Variants in CAPN13 observed in about 807,000 individuals in gnomAD.
CAPN13 encodes calpain 13, also known as calpain-13.
CAPN13 carries 90 observed loss-of-function variants against 98.4 expected under a neutral mutation model. That is an observed-to-expected ratio of 0.92 (90% CI 0.77 to 1.09). The LOEUF is 1.09. CAPN13 is among the 50% of genes least tolerant of loss of function. The probability of loss-of-function intolerance (pLI) is 0.00; values close to 1 mark genes in which losing one functional copy is unlikely to be tolerated. For synonymous variants in CAPN13, 330 were observed against 305.5 expected (o/e 1.08, Z -0.84); for missense variants, 887 against 841.3 (o/e 1.05, Z -0.67).
chr2:30,730,502 AGCCAT>A (rs548919698), intron 22 of CAPN13, among the ~76,000 whole-genome samples: 200 of 152,322 alleles, frequency 1.3e-3, no homozygotes, highest in Middle Eastern at 3.4e-3. Context: ...ATGCCTTTCA[AGCCAT>A]GCCTTTCCAT....
At chr2:30,730,623 A>G in intron 22 of CAPN13, 107 bp downstream of exon 22, 1 of 661,136 alleles carries the variant, frequency 1.5e-6, no homozygotes, top group Non-Finnish European at 2.8e-6. Context: ...AGGGTCTGTC[A>G]TCCCTGGGGA....
chr2:30,764,662 A>G (rs1673022590), intron 5 of CAPN13, among the ~76,000 whole-genome samples: 1 of 152,282 alleles, frequency 6.6e-6, no homozygotes, highest in African/African-American at 2.4e-5. Context: ...TCATGGGGCT[A>G]TGTTCCACAT....
chr2:30,794,107 C>CA (rs1235857838), intron 1 of CAPN13, among the ~76,000 whole-genome samples: 4 of 150,004 alleles, frequency 2.7e-5, no homozygotes, highest in African/African-American at 9.8e-5. Flanking sequence ...ATTAAAAAAA[C>CA]AAAAATGCAA....
At chr2:30,804,351 C>T (rs945794281) in intron 1 of CAPN13, among the ~76,000 whole-genome samples, 8 of 152,204 alleles carry the variant, frequency 5.3e-5, no homozygotes, top group Admixed American at 5.2e-4. Flanking sequence ...CAGGTGCATG[C>T]TACCATGCCT....
chr2:30,784,023 T>C (rs1674129183), intron 2 of CAPN13, among the ~76,000 whole-genome samples: 1 of 151,582 alleles, frequency 6.6e-6, no homozygotes, highest in African/African-American at 2.4e-5. Context: ...TCTACTAAAG[T>C]ACAAAAATTA....
At position 30,764,371 on chromosome 2, in the gene CAPN13, G is replaced by A. The variant is rs1164959536; in HGVS notation, c.525-65C>T. The A allele has an allele frequency of 5.9e-5, 91 of 1,545,372 alleles. 2 individuals carry two copies. In the South Asian group the frequency reaches 9.8e-4, roughly 17 times the overall value. Reference sequence around the variant, plus strand: ...GTGAGATGCTCTGGGAGGGGAGCTTGTGCACTGATCCTCTGCCTATTTCCC... The same window carrying A: ...GTGAGATGCTCTGGGAGGGGAGCTTATGCACTGATCCTCTGCCTATTTCCC... On this transcript the variant is annotated intron_variant, in intron 5 of 22. Coordinates refer to ENST00000295055, the MANE Select transcript of CAPN13 (RefSeq NM_144575.3).
rs567282559 is a variant in CAPN13, at chr2:30,728,427, C to A, written c.*30+2303G>T. Among the ~76,000 whole-genome samples the A allele has an allele frequency of 1.6e-3, 235 of 147,486 alleles. 1 individual carries two copies. The highest frequency in any genetic ancestry group is 5.6e-3 in the African/African-American group (232 of 41,066). ...GATATGTGAGTGAATAATATGGGAA[C>A]CCATAATATGGGAACCCAACTGGGC... On this transcript the variant is annotated intron_variant, in intron 22 of 22. Transcript: ENST00000295055.
rs1572778962 is a variant in CAPN13 at position 30,731,480 on chromosome 2, A to C, written c.1928-81T>G. 1.4e-5 allele frequency: 17 copies of C among 1,227,388 alleles called. No homozygotes were observed. In the East Asian group the frequency reaches 4.0e-4, roughly 29 times the overall value. The allele number at this position is 1,227,388 out of a possible 1,614,324, so 76.0% of individuals were successfully genotyped here. On this transcript the variant is annotated intron_variant, in intron 20 of 22. Transcript: ENST00000295055. The stretch of plus-strand genomic sequence containing the variant: ...TCAGGGGAGGCAGGCCTGGGCCCAT[A>C]AGAAGCACAGGAGGTGATTCTGTAA...
chr2:30,788,991 T>C (rs544496252), intron 1 of CAPN13, among the ~76,000 whole-genome samples: 5 of 152,358 alleles, frequency 3.3e-5, no homozygotes, highest in African/African-American at 1.2e-4. Context: ...TAACCTAAGG[T>C]AAGAAATGGT....
At chr2:30,744,684 G>C (rs568658089) in intron 12 of CAPN13, among the ~76,000 whole-genome samples, 1 of 152,282 alleles carries the variant, frequency 6.6e-6, no homozygotes, top group African/African-American at 2.4e-5. Context: ...TGATCCTTCA[G>C]AACAGACTTG....
chr2:30,765,898 C>A (rs1476516251), intron 5 of CAPN13, among the ~76,000 whole-genome samples: 2 of 152,238 alleles, frequency 1.3e-5, no homozygotes. Context: ...ACCTTATCCT[C>A]CTGCTCTCCC....
chr2:30,733,087 G>A (rs1054644627), intron 19 of CAPN13, among the ~76,000 whole-genome samples: 2 of 152,160 alleles, frequency 1.3e-5, no homozygotes, highest in African/African-American at 4.8e-5. Flanking sequence ...GGAGCTCAGC[G>A]CCTTGTCATC....
At chr2:30,759,453 G>A (rs1672710847) in intron 7 of CAPN13, among the ~76,000 whole-genome samples, 1 of 152,224 alleles carries the variant, frequency 6.6e-6, no homozygotes, top group Non-Finnish European at 1.5e-5. Context: ...AAATATGACT[G>A]AGCTGTAGCT....
chr2:30,744,124 TGCAG>T (rs1671795694), intron 12 of CAPN13, among the ~76,000 whole-genome samples: 1 of 152,222 alleles, frequency 6.6e-6, no homozygotes, highest in Non-Finnish European at 1.5e-5. Flanking sequence ...ATAAATATAA[TGCAG>T]TTCCTATTAC....
At chr2:30,804,363 T>C (rs529623900) in intron 1 of CAPN13, among the ~76,000 whole-genome samples, 2 of 152,144 alleles carry the variant, frequency 1.3e-5, no homozygotes, top group South Asian at 2.1e-4. Context: ...ACCATGCCTG[T>C]CTAATTTTTT....
chr2:30,726,066 T>A (rs1015876732), intron 22 of CAPN13, among the ~76,000 whole-genome samples: 2 of 152,128 alleles, frequency 1.3e-5, no homozygotes, highest in Non-Finnish European at 2.9e-5. Context: ...TTTATTTCGG[T>A]TATTTGGGAG....
At chr2:30,749,533 C>T (rs1485476465) in intron 11 of CAPN13, among the ~76,000 whole-genome samples, 1 of 152,200 alleles carries the variant, frequency 6.6e-6, no homozygotes, top group African/African-American at 2.4e-5. Flanking sequence ...GCTCAGTCAA[C>T]AGAAACTGAA....
At chr2:30,756,837 T>C (rs889625362) in intron 8 of CAPN13, among the ~76,000 whole-genome samples, 1 of 152,100 alleles carries the variant, frequency 6.6e-6, no homozygotes, top group Non-Finnish European at 1.5e-5. Context: ...AGGTCACAGT[T>C]AGGTTTATTC....
chr2:30,785,717 G>T (rs1280241956), intron 2 of CAPN13, among the ~76,000 whole-genome samples: 1 of 152,018 alleles, frequency 6.6e-6, no homozygotes, highest in Non-Finnish European at 1.5e-5. Context: ...TATAAATATG[G>T]TCTTACATCT....
Sources: gnomAD v4.1 joint callset for allele counts (sites outside exome capture counted in the v4.1 genomes callset) on GRCh38, gnomAD v4.1.1 for gene constraint, MANE v1.5 for transcripts, NCBI Gene and HGNC (gene_info 2026-07-23, HGNC 2026-07-21) for gene names.